The following TRIB1 variants were observed in gnomAD, a reference collection of about 807,000 sequenced individuals.
The protein encoded by TRIB1 is tribbles homolog 1.
In TRIB1, 12 loss-of-function variants were observed where a neutral mutation model predicts 27.8. The ratio of observed to expected loss-of-function variants is 0.43; its 90% CI spans 0.28 to 0.70. The LOEUF (loss-of-function observed/expected upper bound fraction) is 0.70, where lower values mean the gene tolerates loss of function less well. Ranked by LOEUF, TRIB1 falls within the 30% of genes least tolerant of loss-of-function variation. TRIB1 has a pLI of 0.18. For synonymous variants in TRIB1, 230 were observed against 224.9 expected (o/e 1.02, Z -0.20); for missense variants, 475 against 515.8 (o/e 0.92, Z 0.77).
rs1273942367 is a variant in TRIB1, at chr8:125,433,590, G to C, written c.634G>C (p.Val212Leu). Residue 212 changes from valine to leucine, a missense_variant, in exon 2 of 3, where the codon GTC becomes CTC. Val to Leu is a conservative substitution (Grantham distance 32). Transcript: ENST00000311922. The surrounding 1 kb of genome is among the most constrained non-coding windows in gnomAD (Gnocchi z 4.4). ...GGGGGACCTGAAGCTTAGGAAGTTC[G>C]TCTTCTCCACGGAGGAGAGGTGAGC... ...VLGDLKLRKF[V>L]FSTEERTQLR... is the part of the protein sequence containing the mutation. The C allele has an allele frequency of 1.2e-6, 2 of 1,609,294 alleles. No homozygotes were observed. The highest frequency in any genetic ancestry group is 2.7e-5 in the African/African-American group (2 of 74,852).
rs1382703413 is a variant in TRIB1 at position 125,436,048 on chromosome 8, G to T, written c.696G>T (p.Met232Ile). Reference protein sequence around the residue: ...RLESLEDTHIMKGEDDALSDK... With the variant: ...RLESLEDTHIIKGEDDALSDK... ...AAAGTCTAGAAGACACACACATAAT[G>T]AAGGGGGAAGATGATGCTTTGTCAG... Residue 232 changes from methionine to isoleucine, a missense_variant, in exon 3 of 3, where the codon ATG becomes ATT. Coordinates refer to ENST00000311922, the MANE Select transcript of TRIB1 (RefSeq NM_025195.4). 1.2e-6 allele frequency: 2 copies of T among 1,614,162 alleles called. No individual in the cohort carries two copies. Among genetic ancestry groups the T allele is most frequent in the Non-Finnish European group, 1.7e-6 (2 of 1,180,022 alleles).
At position 125,431,276 on chromosome 8, in the gene TRIB1, G is replaced by A. The variant is rs1215783133; in HGVS notation, c.360+14G>A. Reference sequence around the variant, plus strand: ...CTGCGCTGCAAGGTAGGCGCTCCCGGGCCAGGACCCGGCTGGGGTCGGGGG... The same window carrying A: ...CTGCGCTGCAAGGTAGGCGCTCCCGAGCCAGGACCCGGCTGGGGTCGGGGG... On this transcript the variant is annotated intron_variant, in intron 1 of 2. Transcript: ENST00000311922. 4.8e-6 allele frequency: 6 copies of A among 1,254,780 alleles called. No homozygotes were observed. Among genetic ancestry groups the A allele is most frequent in the Non-Finnish European group, 6.0e-6 (6 of 1,000,898 alleles). 77.7% of individuals were successfully genotyped at this position (1,254,780 alleles called of 1,614,324 possible).
In TRIB1 at chr8:125,437,469, C is replaced by T. The variant is rs1363562653; in HGVS notation, c.*998C>T. 6.6e-6 allele frequency: 1 copy of T among 152,298 alleles called. No homozygotes were observed. The highest frequency in any genetic ancestry group is 3.2e-3 in the Middle Eastern group (1 of 316). The allele number at this position is 152,298 out of a possible 1,614,324, so 9.4% of individuals were successfully genotyped here. On this transcript the variant is annotated 3_prime_UTR_variant, in exon 3 of 3. Transcript: ENST00000311922. ...AGTCTTGTGATTCTCAGACTAACTT[C>T]CAGAATTATACTTTAACCCCTCCCA...
chr8:125,431,679 C>T (rs1042904396), intron 1 of TRIB1, among the ~76,000 whole-genome samples: 9 of 152,200 alleles, frequency 5.9e-5, no homozygotes, highest in Non-Finnish European at 1.3e-4. Flanking sequence ...GAGCAGCTGG[C>T]AGCTCTCTTG....
Position 125,433,918 on chromosome 8 carries a change from CA to C in TRIB1, c.653+312del, listed in dbSNP as rs1180277155. The C allele has an allele frequency of 3.5e-4, 135 of 385,878 alleles. No individual in the cohort carries two copies. The East Asian group carries it at 5.1e-3, about 15-fold the overall frequency. 23.9% of individuals were successfully genotyped at this position (385,878 alleles called of 1,614,324 possible). A position where few individuals can be genotyped will look rare whatever the true frequency, so the allele number is the denominator to read the frequency against. On this transcript the variant is annotated intron_variant, in intron 2 of 2. Coordinates refer to ENST00000311922, the MANE Select transcript of TRIB1 (RefSeq NM_025195.4). This position sits in a 1 kb window ranked among gnomAD's most constrained non-coding sequence, Gnocchi z 4.4. Reference sequence around the variant, plus strand: ...TCAGAAAGGTCAGTTGTCTGGGGTACAAATATTAAACTGCCCTTTACGATAT... The same window carrying C: ...TCAGAAAGGTCAGTTGTCTGGGGTACAATATTAAACTGCCCTTTACGATAT...
chr8:125,432,290 A>G lies in TRIB1; in HGVS notation c.361-1027A>G, dbSNP rs922001936. 3 of 974,616 alleles carry G rather than the reference A, an allele frequency of 3.1e-6. No homozygotes were observed. The African/African-American group carries it at 5.5e-5, about 18-fold the overall frequency. 60.4% of individuals were successfully genotyped at this position (974,616 alleles called of 1,614,324 possible). ...AGGAAAAAAAAACCTTTTCTTCTCC[A>G]TGACTGGGGCTAAGAGCTGTTCTGG... On this transcript the variant is annotated intron_variant, in intron 1 of 2. Transcript: ENST00000311922.
At chr8:125,432,598 T>C (rs1015143417) in intron 1 of TRIB1, among the ~76,000 whole-genome samples, 7 of 152,248 alleles carry the variant, frequency 4.6e-5, no homozygotes, top group Admixed American at 1.3e-4. Context: ...GAGGAGATGC[T>C]ACTCATTTCT....
rs1411322313 is a variant in TRIB1 at position 125,437,718 on chromosome 8, T to C, written c.*1247T>C. The C allele has an allele frequency of 6.6e-6, 1 of 152,492 alleles. No individual in the cohort carries two copies. Among genetic ancestry groups the C allele is most frequent in the East Asian group, 1.9e-4 (1 of 5,280 alleles). 9.4% of individuals were successfully genotyped at this position (152,492 alleles called of 1,614,324 possible). A position where few individuals can be genotyped will look rare whatever the true frequency, so the allele number is the denominator to read the frequency against. ...GCAGAAATCCCCTCTTCAGCTTCTT[T>C]TGTAGGTGGGAATCCAGCCTCTGTT... is the stretch of plus-strand genomic sequence containing the variant. On this transcript the variant is annotated 3_prime_UTR_variant, in exon 3 of 3. Transcript: ENST00000311922.
At position 125,433,787 on chromosome 8, in the gene TRIB1, C is replaced by G; in HGVS notation, c.653+178C>G. 1 of 725,508 alleles carries G rather than the reference C, an allele frequency of 1.4e-6. No homozygotes were observed. Among genetic ancestry groups the G allele is most frequent in the South Asian group, 1.9e-5 (1 of 51,468 alleles). The allele number at this position is 725,508 out of a possible 1,614,324, so 44.9% of individuals were successfully genotyped here. On this transcript the variant is annotated intron_variant, in intron 2 of 2. Transcript: ENST00000311922. This position sits in a 1 kb window ranked among gnomAD's most constrained non-coding sequence, Gnocchi z 4.4. The stretch of plus-strand genomic sequence containing the variant: ...AGCCAAGGTTGGTTTATTCTGCATT[C>G]TCTTGGACGGGGCCTGGGGACACCG...
rs778358448 is a variant in TRIB1 at position 125,436,019 on chromosome 8, C to T, written c.667C>T (p.Leu223=). The change falls in exon 3 of 3, where the codon CTA becomes TTA. Residue 223 remains leucine, a synonymous_variant. Transcript: ENST00000311922. Reference sequence around the variant, plus strand: ...TCTCTCTTGCAGAACCCAGCTTAGACTAGAAAGTCTAGAAGACACACACAT... The same window carrying T: ...TCTCTCTTGCAGAACCCAGCTTAGATTAGAAAGTCTAGAAGACACACACAT... The part of the protein sequence containing the change: ...FSTEERTQLR[L]ESLEDTHIMK... 43 of 1,613,646 alleles carry T rather than the reference C, an allele frequency of 2.7e-5. No homozygotes were observed. Among genetic ancestry groups the T allele is most frequent in the Non-Finnish European group, 3.6e-5 (43 of 1,179,850 alleles).
At position 125,431,156 on chromosome 8, in the gene TRIB1, C is replaced by G. The variant is rs1281558024; in HGVS notation, c.254C>G (p.Ala85Gly). Residue 85 changes from alanine to glycine, a missense_variant, in exon 1 of 3, where the codon GCG becomes GGG. Coordinates refer to ENST00000311922, the MANE Select transcript of TRIB1 (RefSeq NM_025195.4). ...GGGGCCGGCGGAGGCTCCGGGAGCG[C>G]GCCGGGGCCCAGCCGCATCGCCGAC... ...APGAGGGSGS[A>G]PGPSRIADYL... 2.3e-6 allele frequency: 3 copies of G among 1,307,338 alleles called. No homozygotes were observed. Among genetic ancestry groups the G allele is most frequent in the South Asian group, 2.4e-5 (1 of 41,728 alleles). 81.0% of individuals were successfully genotyped at this position (1,307,338 alleles called of 1,614,324 possible). A position where few individuals can be genotyped will look rare whatever the true frequency, so the allele number is the denominator to read the frequency against.
chr8:125,436,398 CAGAAAT>C lies in TRIB1; in HGVS notation c.1049_1054del (p.Glu350_Ile351del), dbSNP rs762979472. ...GTCTTGGAACCCGGGTACATCGACT[CAGAAAT>C]AGGAACTTCAGACCAGATTGTTCCA... On this transcript the variant is annotated inframe_deletion, in exon 3 of 3. Transcript: ENST00000311922. The C allele has an allele frequency of 2.5e-6, 4 of 1,613,832 alleles. No homozygotes were observed. The highest frequency in any genetic ancestry group is 3.4e-6 in the Non-Finnish European group (4 of 1,180,022).
chr8:125,430,911 C>A lies in TRIB1; in HGVS notation c.9C>A (p.Val3=). Residue 3 remains valine, a synonymous_variant, in exon 1 of 3, where the codon GTC becomes GTA. Coordinates refer to ENST00000311922, the MANE Select transcript of TRIB1 (RefSeq NM_025195.4). ...CCCCGGCCCAGGACGGGATGCGGGT[C>A]GGTCCGGTGCGCTCTGCCATGAGCG... MR[V]GPVRSAMSGA... 4 of 1,443,966 alleles carry A rather than the reference C, an allele frequency of 2.8e-6. No homozygotes were observed. The South Asian group carries it at 5.5e-5, about 20-fold the overall frequency. The allele number at this position is 1,443,966 out of a possible 1,614,324, so 89.4% of individuals were successfully genotyped here.
Position 125,430,994 on chromosome 8 carries a change from C to A in TRIB1, c.92C>A (p.Ala31Asp). 6.8e-7 allele frequency: 1 copy of A among 1,467,090 alleles called. No homozygotes were observed. Among genetic ancestry groups the A allele is most frequent in the Non-Finnish European group, 8.9e-7 (1 of 1,118,058 alleles). 90.9% of individuals were successfully genotyped at this position (1,467,090 alleles called of 1,614,324 possible). A position where few individuals can be genotyped will look rare whatever the true frequency, so the allele number is the denominator to read the frequency against. Residue 31 changes from alanine (A) to aspartate (D), a missense_variant, in exon 1 of 3, where the codon GCC becomes GAC. By Grantham distance (126) the Ala-to-Asp change is moderately radical (BLOSUM62 -2). Coordinates refer to ENST00000311922, the MANE Select transcript of TRIB1 (RefSeq NM_025195.4). ...LLFPATRGVP[A>D]KRLLDADDAA... Reference sequence around the variant, plus strand: ...TTCCCAGCCACCCGAGGCGTCCCGGCCAAACGCCTGCTGGACGCCGACGAC... The same window carrying A: ...TTCCCAGCCACCCGAGGCGTCCCGGACAAACGCCTGCTGGACGCCGACGAC...
At chr8:125,434,739 T>C (rs1814720237) in intron 2 of TRIB1, among the ~76,000 whole-genome samples, 1 of 152,140 alleles carries the variant, frequency 6.6e-6, no homozygotes, top group Non-Finnish European at 1.5e-5. Flanking sequence ...AGGCTGACGC[T>C]ATTCGTGTAA....
intron 2 of TRIB1, among the ~76,000 whole-genome samples, chr8:125,435,414 A>T (rs1379148982): frequency 6.6e-6 from 1 of 152,094 alleles, no homozygotes; most frequent in Non-Finnish European, 1.5e-5. Flanking sequence ...CAACTTTCCC[A>T]TCCTAATTGT....
chr8:125,433,434 T>C lies in TRIB1; in HGVS notation c.478T>C (p.Phe160Leu). 2 of 1,614,228 alleles carry C rather than the reference T, an allele frequency of 1.2e-6. No individual in the cohort carries two copies. Among genetic ancestry groups the C allele is most frequent in the Non-Finnish European group, 1.7e-6 (2 of 1,180,028 alleles). The change falls in exon 2 of 3, where the codon TTT (phenylalanine) becomes CTT (leucine). Residue 160 changes from phenylalanine (F) to leucine (L), a missense_variant. Coordinates refer to ENST00000311922, the MANE Select transcript of TRIB1 (RefSeq NM_025195.4). This position sits in a 1 kb window ranked among gnomAD's most constrained non-coding sequence, Gnocchi z 4.4. ...ILGETKAYVF[F>L]EKDFGDMHSY... ...TGGGGAAACCAAGGCCTATGTCTTC[T>C]TTGAGAAGGACTTTGGGGACATGCA...
Position 125,430,846 on chromosome 8 carries a change from T to C in TRIB1, c.-57T>C, listed in dbSNP as rs1207370560. ...CGGAGCCGGCACCAAACCCGCAGCG[T>C]CTTCCCGCGCGGATCCCGGGACTTA... On this transcript the variant is annotated 5_prime_UTR_variant, in exon 1 of 3. Coordinates refer to ENST00000311922, the MANE Select transcript of TRIB1 (RefSeq NM_025195.4). The C allele has an allele frequency of 2.2e-6, 3 of 1,361,504 alleles. No homozygotes were observed. The highest frequency in any genetic ancestry group is 2.8e-6 in the Non-Finnish European group (3 of 1,063,338). 84.3% of individuals were successfully genotyped at this position (1,361,504 alleles called of 1,614,324 possible).
chr8:125,435,568 A>G (rs142739244), intron 2 of TRIB1, among the ~76,000 whole-genome samples: 1 of 152,186 alleles, frequency 6.6e-6, no homozygotes, highest in African/African-American at 2.4e-5. Flanking sequence ...CCTGGCAGTC[A>G]TAAGAGGGAA....
Sources: allele counts gnomAD v4.1 joint callset (sites outside exome capture counted in the v4.1 genomes callset), GRCh38; gene constraint gnomAD v4.1.1; non-coding constraint Gnocchi (gnomAD v3.1); transcripts MANE v1.5; gene names NCBI Gene and HGNC (gene_info 2026-07-23, HGNC 2026-07-21).